The following SMG1 variants were observed in gnomAD, a reference collection of about 807,000 sequenced individuals.
SMG1 encodes the protein SMG1 nonsense mediated mRNA decay associated PI3K related kinase, also known as serine/threonine-protein kinase SMG1.
In SMG1, 22 loss-of-function variants were observed where a neutral mutation model predicts 419.9. The ratio of observed to expected loss-of-function variants is 0.05; its 90% CI spans 0.04 to 0.07. The LOEUF (loss-of-function observed/expected upper bound fraction) is 0.07, where lower values mean the gene tolerates loss of function less well. Among genes scored for constraint, SMG1 ranks in the 10% least tolerant of loss-of-function variants. The pLI is 1.00. For missense variants in SMG1, 3,185 were observed against 4,342.0 expected (o/e 0.73, Z 7.49); for synonymous variants, 1,538 against 1,553.5 (o/e 0.99, Z 0.23).
intron 56 of SMG1, among the ~76,000 whole-genome samples, chr16:18,818,742 T>C (rs530504646): frequency 4.7e-5 from 7 of 147,396 alleles, no homozygotes; most frequent in Admixed American, 3.4e-4. Flanking sequence ...TTGTACTTAG[T>C]TGAAAATGTC....
chr16:18,849,209 T>C lies in SMG1; in HGVS notation c.5623+8A>G, dbSNP rs766987848. 2 of 1,590,118 alleles carry C rather than the reference T, an allele frequency of 1.3e-6. No homozygotes were observed. Among genetic ancestry groups the C allele is most frequent in the South Asian group, 2.3e-5 (2 of 88,648 alleles). On this transcript the variant is annotated splice_region_variant and intron_variant, in intron 36 of 62. Transcript: ENST00000446231. ...TACTCAAAGTAGCAATATTTGAATA[T>C]TCCATACCTGAAGCCTGGGATTCAC... is the stretch of plus-strand genomic sequence containing the variant.
chr16:18,886,829 A>G (rs2036632829), intron 6 of SMG1, among the ~76,000 whole-genome samples: 1 of 151,924 alleles, frequency 6.6e-6, no homozygotes, highest in Non-Finnish European at 1.5e-5. Context: ...GAAAACCATT[A>G]TTTTGCAATA....
chr16:18,837,746 G>T (rs539258532), intron 45 of SMG1, among the ~76,000 whole-genome samples: 2 of 152,192 alleles, frequency 1.3e-5, no homozygotes, highest in African/African-American at 4.8e-5. Context: ...AGTCATCACT[G>T]GTAAACACAT....
intron 39 of SMG1, among the ~76,000 whole-genome samples, chr16:18,844,565 T>C (rs1013596665): frequency 5.1e-5 from 2 of 38,984 alleles, no homozygotes; most frequent in Non-Finnish European, 5.0e-5. Context: ...AACTTCATCC[T>C]TCTCTCACAC....
At chr16:18,812,184 G>A (rs1029609763) in intron 60 of SMG1, 57 bp from the exon 61 acceptor site, 3 of 1,543,968 alleles carry the variant, frequency 1.9e-6, no homozygotes, top group Admixed American at 1.9e-5. Context: ...GGAGGGGGCA[G>A]AGTGGAGCAA....
chr16:18,924,731 T>C (rs930448896), intron 1 of SMG1, among the ~76,000 whole-genome samples: 10 of 152,220 alleles, frequency 6.6e-5, no homozygotes, highest in Admixed American at 5.2e-4. Flanking sequence ...TCTAGTTATA[T>C]ACACCAATTC....
At chr16:18,880,341 T>C (rs2036326000) in intron 10 of SMG1, among the ~76,000 whole-genome samples, 1 of 152,118 alleles carries the variant, frequency 6.6e-6, no homozygotes, top group Non-Finnish European at 1.5e-5. Context: ...ACAGAGCAAA[T>C]GTTAAAAAAT....
intron 1 of SMG1, among the ~76,000 whole-genome samples, chr16:18,906,186 CA>C (rs34063725): frequency 0.31 from 46,790 of 151,036 alleles, 7,958 homozygotes; most frequent in Non-Finnish European, 0.39. Flanking sequence ...ACTTCACCAA[CA>C]AAAAAAAAGG....
intron 1 of SMG1, among the ~76,000 whole-genome samples, chr16:18,899,416 C>T (rs917393933): frequency 2.6e-5 from 4 of 151,980 alleles, no homozygotes; most frequent in African/African-American, 7.3e-5. Context: ...CTCAGAAATA[C>T]CTAAAAACTC....
At chr16:18,908,999 G>T (rs2037690798) in intron 1 of SMG1, among the ~76,000 whole-genome samples, 1 of 152,020 alleles carries the variant, frequency 6.6e-6, no homozygotes, top group Non-Finnish European at 1.5e-5. Flanking sequence ...CCCAGGGAAT[G>T]ACATGTTTAT....
chr16:18,860,022 G>C (rs1160873115), intron 26 of SMG1, among the ~76,000 whole-genome samples: 2 of 152,146 alleles, frequency 1.3e-5, no homozygotes, highest in Non-Finnish European at 2.9e-5. Flanking sequence ...TTCAAGACCA[G>C]CCTGGCCAAG....
intron 2 of SMG1, among the ~76,000 whole-genome samples, chr16:18,896,422 A>G (rs1025147258): frequency 1.3e-5 from 2 of 152,212 alleles, no homozygotes; most frequent in East Asian, 3.8e-4. Context: ...TCATTGGAAA[A>G]TAAGCAAAGA....
chr16:18,858,640 G>A lies in SMG1; in HGVS notation c.4114-350C>T, dbSNP rs548803224. ...ACTAATGCTTTATAATGAAGTTCTC[G>A]AAGATCATCATTCATTCAGAAGCCC... On this transcript the variant is annotated intron_variant, in intron 28 of 62. Transcript: ENST00000446231. 1,756 of 210,592 alleles carry A rather than the reference G, an allele frequency of 8.3e-3. 39 individuals are homozygous for A. Among genetic ancestry groups the A allele is most frequent in the African/African-American group, 0.037 (1,608 of 43,410 alleles). The allele number at this position is 210,592 out of a possible 1,614,324, so 13.0% of individuals were successfully genotyped here. A position where few individuals can be genotyped will look rare whatever the true frequency, so the allele number is the denominator to read the frequency against.
Position 18,811,970 on chromosome 16 carries a change from G to C in SMG1, c.10779C>G (p.Val3593=). 1 of 1,613,850 alleles carries C rather than the reference G, an allele frequency of 6.2e-7. No homozygotes were observed. Among genetic ancestry groups the C allele is most frequent in the African/African-American group, 1.3e-5 (1 of 75,016 alleles). The change falls in exon 61 of 63, where the codon GTC becomes GTG. Residue 3593 remains valine (V), a synonymous_variant. Transcript: ENST00000446231. ...KSVACSPKKA[V]RDPKTGKAVQ... ...TACCTTTCCCAGTTTTAGGGTCTCT[G>C]ACTGCCTTTTTAGGACTACAAGCAA...
Position 18,858,252 on chromosome 16 carries a change from T to C in SMG1, c.4152A>G (p.Ser1384=). 2.5e-6 allele frequency: 4 copies of C among 1,610,346 alleles called. No individual in the cohort carries two copies. Among genetic ancestry groups the C allele is most frequent in the Non-Finnish European group, 3.4e-6 (4 of 1,178,336 alleles). ...LIPLFSEALR[S]CKQHDVRPWM... ...ATGGCCTCACGTCATGCTGTTTACA[T>C]GAACGTAAAGCTTCACTGAAGAGTG... Residue 1384 remains serine, a synonymous_variant, in exon 29 of 63, where the codon TCA becomes TCG. Transcript: ENST00000446231.
chr16:18,911,168 C>T (rs1425597106), intron 1 of SMG1, among the ~76,000 whole-genome samples: 1 of 152,046 alleles, frequency 6.6e-6, no homozygotes, highest in Non-Finnish European at 1.5e-5. Context: ...TCTTATTGTT[C>T]AACTTGAAAT....
chr16:18,873,039 A>G (rs2035910274), intron 13 of SMG1, among the ~76,000 whole-genome samples: 1 of 152,020 alleles, frequency 6.6e-6, no homozygotes, highest in Non-Finnish European at 1.5e-5. Flanking sequence ...TTGTAATCCC[A>G]GCTACTCGGG....
chr16:18,885,761 G>A, intron 6 of SMG1, 95 bp from the exon 7 acceptor site: 8 of 1,140,310 alleles, frequency 7.0e-6, no homozygotes, highest in Non-Finnish European at 1.0e-5. Flanking sequence ...ATAAAAAACT[G>A]AATATGAGAC....
chr16:18,831,185 T>C (rs1330984937), intron 51 of SMG1, among the ~76,000 whole-genome samples: 4 of 152,234 alleles, frequency 2.6e-5, no homozygotes, highest in African/African-American at 7.2e-5. Context: ...CCAGGCACTA[T>C]TTCTTATCAC....
Sources: allele counts gnomAD v4.1 joint callset (sites outside exome capture counted in the v4.1 genomes callset), GRCh38; gene constraint gnomAD v4.1.1; transcripts MANE v1.5; gene names NCBI Gene and HGNC (gene_info 2026-07-23, HGNC 2026-07-21).